SPON1: variants seen among roughly 807,000 people sequenced by gnomAD.
SPON1 encodes spondin-1.
A neutral mutation model predicts 111.7 loss-of-function variants in SPON1; 52 were observed. The ratio of observed to expected loss-of-function variants is 0.47; its 90% CI spans 0.37 to 0.59. The LOEUF is 0.59. SPON1 is among the 20% of genes least tolerant of loss of function. The pLI is 0.00. For missense variants in SPON1, 957 were observed against 1,068.5 expected (o/e 0.90, Z 1.46); for synonymous variants, 410 against 395.8 (o/e 1.04, Z -0.43).
At chr11:14,091,929 C>T (rs146729554) in intron 5 of SPON1, among the ~76,000 whole-genome samples, 80 of 145,548 alleles carry the variant, frequency 5.5e-4, no homozygotes, top group African/African-American at 1.7e-3. Flanking sequence ...GGTGGCGGGG[C>T]GGGGGAGGCC....
At chr11:14,251,271 C>G (rs1849050157) in intron 7 of SPON1, among the ~76,000 whole-genome samples, 1 of 152,190 alleles carries the variant, frequency 6.6e-6, no homozygotes, top group African/African-American at 2.4e-5. Flanking sequence ...CTCTATCACC[C>G]AAGATAAGTC....
At position 14,135,401 on chromosome 11, in the gene SPON1, T is replaced by C. The variant is rs782202067; in HGVS notation, c.677-19T>C. The C allele has an allele frequency of 4.4e-6, 7 of 1,601,002 alleles. No individual in the cohort carries two copies. The highest frequency in any genetic ancestry group is 1.7e-4 in the Middle Eastern group (1 of 6,032). On this transcript the variant is annotated intron_variant, in intron 5 of 15. Coordinates refer to ENST00000576479, the MANE Select transcript of SPON1 (RefSeq NM_006108.4). The surrounding 1 kb of genome is among the most constrained non-coding windows in gnomAD (Gnocchi z 4.4). ...AGCCACAGCCATGCTGATAACTGCC[T>C]CCTGATTGGCTTTCCCAGGTCGGGC...
At chr11:14,224,446 A>C (rs1331551796) in intron 6 of SPON1, among the ~76,000 whole-genome samples, 1 of 152,234 alleles carries the variant, frequency 6.6e-6, no homozygotes, top group Non-Finnish European at 1.5e-5. Context: ...CTTAAAAAAA[A>C]CAAAAGCTAT....
chr11:14,256,758 G>T (rs1849113655), intron 10 of SPON1, 66 bp downstream of exon 10: 1 of 1,259,726 alleles, frequency 7.9e-7, no homozygotes, highest in South Asian at 1.2e-5. Context: ...AAAGCAATTT[G>T]CTAACCTGTT....
chr11:13,995,859 A>G (rs1848267933), intron 2 of SPON1, among the ~76,000 whole-genome samples: 1 of 152,226 alleles, frequency 6.6e-6, no homozygotes, highest in African/African-American at 2.4e-5. Flanking sequence ...GAGACCTGTT[A>G]GAAAGAACCA....
Position 14,109,953 on chromosome 11 carries a change from C to A in SPON1, c.677-25467C>A, listed in dbSNP as rs376335611. On this transcript the variant is annotated intron_variant, in intron 5 of 15. Transcript: ENST00000576479. ...ATCAGCATCCTGCCTACTCCTGCGTCACAGCACAGATCCTAACTGGCAAAA... is the reference window on the plus strand; with the variant it reads ...ATCAGCATCCTGCCTACTCCTGCGTAACAGCACAGATCCTAACTGGCAAAA... 1.2e-4 allele frequency among the ~76,000 whole-genome samples: 19 copies of A among 152,350 alleles called. No individual in the cohort carries two copies. In the South Asian group the frequency reaches 1.7e-3, roughly 13 times the overall value.
chr11:14,211,383 G>A (rs1428063490), intron 6 of SPON1, among the ~76,000 whole-genome samples: 1 of 152,114 alleles, frequency 6.6e-6, no homozygotes, highest in Non-Finnish European at 1.5e-5. Flanking sequence ...ATTCACAATT[G>A]CTACAAAGAG....
At chr11:14,126,331 C>T (rs537233838) in intron 5 of SPON1, among the ~76,000 whole-genome samples, 88 of 152,284 alleles carry the variant, frequency 5.8e-4, no homozygotes, top group Middle Eastern at 3.4e-3. Flanking sequence ...GATAAAATAT[C>T]AGACAGAATT....
At chr11:14,056,453 CTG>C (rs1848745116) in intron 3 of SPON1, among the ~76,000 whole-genome samples, 1 of 151,224 alleles carries the variant, frequency 6.6e-6, no homozygotes, top group Non-Finnish European at 1.5e-5. Flanking sequence ...GCTTCAAAAA[CTG>C]TTTAGTCACA....
intron 5 of SPON1, among the ~76,000 whole-genome samples, chr11:14,133,487 G>A (rs1472533927): frequency 6.6e-6 from 1 of 152,228 alleles, no homozygotes; most frequent in Admixed American, 6.5e-5. Flanking sequence ...AGGAATGGGA[G>A]TTGGCTAAGC....
intron 5 of SPON1, among the ~76,000 whole-genome samples, chr11:14,107,313 C>T (rs1395730139): frequency 1.3e-5 from 2 of 151,982 alleles, no homozygotes; most frequent in African/African-American, 2.4e-5. Flanking sequence ...TTCCTTTATC[C>T]GCCCACACAC....
At chr11:14,053,290 TTCTCCCCATTCTCC>T (rs1187824584) in intron 3 of SPON1, among the ~76,000 whole-genome samples, 1 of 152,140 alleles carries the variant, frequency 6.6e-6, no homozygotes, top group Non-Finnish European at 1.5e-5. Context: ...ATTGAGCAGT[TTCTCCCCATTCTCC>T]TCTCCCCACC....
At chr11:14,250,709 C>CAT (rs1167699622) in intron 7 of SPON1, among the ~76,000 whole-genome samples, 1 of 152,108 alleles carries the variant, frequency 6.6e-6, no homozygotes, top group Non-Finnish European at 1.5e-5. Context: ...GAAGACATGG[C>CAT]ATATACAAAA....
At chr11:14,146,524 A>G (rs1847721080) in intron 6 of SPON1, among the ~76,000 whole-genome samples, 1 of 151,998 alleles carries the variant, frequency 6.6e-6, no homozygotes, top group Non-Finnish European at 1.5e-5. Context: ...ATTCCCCCCA[A>G]AAAAAATACT....
At chr11:14,250,809 C>A (rs1849045494) in intron 7 of SPON1, among the ~76,000 whole-genome samples, 1 of 152,152 alleles carries the variant, frequency 6.6e-6, no homozygotes, top group Non-Finnish European at 1.5e-5. Context: ...GATTCTTATT[C>A]ATTTAATTAT....
intron 1 of SPON1, among the ~76,000 whole-genome samples, chr11:13,973,227 A>C (rs1367604640): frequency 2.0e-5 from 3 of 152,250 alleles, no homozygotes; most frequent in African/African-American, 7.2e-5. Context: ...TATGGGTCAC[A>C]TGGCCAGGGC....
chr11:14,073,984 C>A (rs1489193435), intron 3 of SPON1, among the ~76,000 whole-genome samples: 1 of 152,180 alleles, frequency 6.6e-6, no homozygotes, highest in Non-Finnish European at 1.5e-5. Flanking sequence ...CCTTCCCCTC[C>A]ACAGAGGTCC....
chr11:14,080,786 A>T (rs1848956621), intron 5 of SPON1, among the ~76,000 whole-genome samples: 1 of 152,174 alleles, frequency 6.6e-6, no homozygotes, highest in African/African-American at 2.4e-5. Flanking sequence ...TGCCACCTTG[A>T]AATCCCTTCA....
At chr11:14,000,966 A>G (rs1212794665) in intron 2 of SPON1, among the ~76,000 whole-genome samples, 13 of 152,196 alleles carry the variant, frequency 8.5e-5, no homozygotes, top group Admixed American at 7.2e-4. Flanking sequence ...AAGAACTTCT[A>G]ATGTCTACTG....
Sources: gnomAD v4.1 joint callset for allele counts (sites outside exome capture counted in the v4.1 genomes callset) on GRCh38, gnomAD v4.1.1 for gene constraint, Gnocchi (gnomAD v3.1) non-coding constraint, MANE v1.5 for transcripts, NCBI Gene and HGNC (gene_info 2026-07-23, HGNC 2026-07-21) for gene names.